Variants in NECTIN3 observed in about 807,000 individuals in gnomAD.
NECTIN3 encodes the protein nectin cell adhesion molecule 3, also known as nectin-3.
NECTIN3 carries 8 observed loss-of-function variants against 49.4 expected under a neutral mutation model. The ratio of observed to expected loss-of-function variants is 0.16; its 90% CI spans 0.10 to 0.29. NECTIN3 has a LOEUF of 0.29. Among genes scored for constraint, NECTIN3 ranks in the 10% least tolerant of loss-of-function variants. NECTIN3 has a pLI of 1.00. For synonymous variants in NECTIN3, 277 were observed against 241.1 expected, an observed-to-expected ratio of 1.15 and a Z score of -1.38; for missense variants, 581 against 654.6, an observed-to-expected ratio of 0.89 and a Z score of 1.23.
Position 111,118,891 on chromosome 3 carries a change from T to G in NECTIN3, c.738T>G (p.Cys246Trp). 1 of 1,614,180 alleles carries G rather than the reference T, an allele frequency of 6.2e-7. No individual in the cohort carries two copies. Among genetic ancestry groups the G allele is most frequent in the Non-Finnish European group, 8.5e-7 (1 of 1,180,016 alleles). Residue 246 changes from cysteine (C) to tryptophan (W), a missense_variant, in exon 3 of 6, where the codon TGT (cysteine) becomes TGG (tryptophan). Physicochemically the swap from Cys to Trp is radical, Grantham distance 215 (BLOSUM62 -2). Transcript: ENST00000485303. ...TRFARGRRIT[C>W]VVKHPALEKD... ...TTGCTAGAGGAAGGCGAATTACTTG[T>G]GTTGTAAAACATCCAGCCTTGGAAA...
rs1275976915 is a variant in NECTIN3, at chr3:111,134,839, T to C, written c.*624T>C. On this transcript the variant is annotated 3_prime_UTR_variant, in exon 6 of 6. Transcript: ENST00000485303. ...ACTGTAGAGTGGCTTTTCAAAGATA[T>C]TTTGTTGCACTAAAACTGTGGTAGT... The C allele has an allele frequency of 5.1e-6, 5 of 982,284 alleles. No individual in the cohort carries two copies. In the East Asian group the frequency reaches 3.4e-4, roughly 67 times the overall value. The allele number at this position is 982,284 out of a possible 1,614,324, so 60.8% of individuals were successfully genotyped here.
At chr3:111,128,097 G>C (rs2034239787) in intron 5 of NECTIN3, among the ~76,000 whole-genome samples, 1 of 152,064 alleles carries the variant, frequency 6.6e-6, no homozygotes, top group Non-Finnish European at 1.5e-5. Flanking sequence ...CAGCACTTTG[G>C]GAGGCCGAGG....
chr3:111,110,611 C>T (rs2033417253), intron 1 of NECTIN3, among the ~76,000 whole-genome samples: 1 of 151,942 alleles, frequency 6.6e-6, no homozygotes, highest in Non-Finnish European at 1.5e-5. Flanking sequence ...TGCTAAAATA[C>T]ATTAGAATAC....
In NECTIN3 at chr3:111,136,445, A is replaced by G. The variant is rs764837010; in HGVS notation, c.*2230A>G. 8.6e-5 allele frequency: 85 copies of G among 984,102 alleles called. No homozygotes were observed. The highest frequency in any genetic ancestry group is 9.9e-5 in the Non-Finnish European group (82 of 829,058). 61.0% of individuals were successfully genotyped at this position (984,102 alleles called of 1,614,324 possible). A position where few individuals can be genotyped will look rare whatever the true frequency, so the allele number is the denominator to read the frequency against. ...TGACATATTCTGTATCCTTAATCCA[A>G]TCATTTGGCAAACTAAAAGGTTTCT... On this transcript the variant is annotated 3_prime_UTR_variant, in exon 6 of 6. Coordinates refer to ENST00000485303, the MANE Select transcript of NECTIN3 (RefSeq NM_015480.3).
At position 111,071,998 on chromosome 3, in the gene NECTIN3, G is replaced by T; in HGVS notation, c.-20G>T. 6.8e-7 allele frequency: 1 copy of T among 1,468,734 alleles called. No individual in the cohort carries two copies. The highest frequency in any genetic ancestry group is 9.0e-7 in the Non-Finnish European group (1 of 1,108,180). 91.0% of individuals were successfully genotyped at this position (1,468,734 alleles called of 1,614,324 possible). A position where few individuals can be genotyped will look rare whatever the true frequency, so the allele number is the denominator to read the frequency against. ...GAGCCGGGGGGCGGGCGGGCGAGCGGGCCGGGGGGAGGGTGGGGGATGGCG... is the reference window on the plus strand; with the variant it reads ...GAGCCGGGGGGCGGGCGGGCGAGCGTGCCGGGGGGAGGGTGGGGGATGGCG... On this transcript the variant is annotated 5_prime_UTR_variant, in exon 1 of 6. Transcript: ENST00000485303.
Position 111,127,880 on chromosome 3 carries a change from G to A in NECTIN3, c.1069+1545G>A, listed in dbSNP as rs534527968. Among the ~76,000 whole-genome samples, 473 of 152,186 alleles carry A rather than the reference G, an allele frequency of 3.1e-3. 2 individuals are homozygous for A. The highest frequency in any genetic ancestry group is 0.011 in the African/African-American group (446 of 41,510). ...ACTGTGCCTGGCTGGAAATCTGAAT[G>A]AGGTTACATATTAGTATATTACTCT... On this transcript the variant is annotated intron_variant, in intron 5 of 5. Transcript: ENST00000485303.
chr3:111,082,473 A>G (rs1334981821), intron 1 of NECTIN3, among the ~76,000 whole-genome samples: 1 of 152,154 alleles, frequency 6.6e-6, no homozygotes, highest in Non-Finnish European at 1.5e-5. Context: ...TTTTGATTGG[A>G]TAAGCTATCG....
chr3:111,180,835 G>A (rs1019790518), intron 7 of NECTIN3, among the ~76,000 whole-genome samples: 6 of 152,042 alleles, frequency 3.9e-5, no homozygotes, highest in Non-Finnish European at 5.9e-5. Context: ...TACTTTTTTC[G>A]TAGCAGATTC....
At chr3:111,172,283 A>G (rs2035448893) in intron 7 of NECTIN3, among the ~76,000 whole-genome samples, 1 of 152,160 alleles carries the variant, frequency 6.6e-6, no homozygotes, top group Non-Finnish European at 1.5e-5. Flanking sequence ...GCATACCCAC[A>G]CATCATATAT....
Position 111,112,057 on chromosome 3 carries a change from A to T in NECTIN3, c.188A>T (p.Glu63Val), listed in dbSNP as rs1269868004. The change falls in exon 2 of 6, where the codon GAG becomes GTG. Residue 63 changes from glutamate (E) to valine (V), a missense_variant. Coordinates refer to ENST00000485303, the MANE Select transcript of NECTIN3 (RefSeq NM_015480.3). ...CGALAGPIIV[E>V]PHVTAVWGKN... ...GCCTTAGCTGGACCAATTATTGTGG[A>T]GCCACATGTCACAGCAGTATGGGGA... is the stretch of plus-strand genomic sequence containing the variant. The T allele has an allele frequency of 1.2e-6, 2 of 1,610,740 alleles. No homozygotes were observed. The highest frequency in any genetic ancestry group is 1.7e-6 in the Non-Finnish European group (2 of 1,177,858).
At chr3:111,111,911 G>A (rs866197755) in intron 1 of NECTIN3, 119 bp from the exon 2 acceptor site, 2 of 526,744 alleles carry the variant, frequency 3.8e-6, no homozygotes, top group East Asian at 4.8e-5. Context: ...GTGTGTGTGT[G>A]TGTGTGTGTG....
At chr3:111,087,275 G>A (rs1037824577) in intron 1 of NECTIN3, among the ~76,000 whole-genome samples, 1 of 152,112 alleles carries the variant, frequency 6.6e-6, no homozygotes, top group South Asian at 2.1e-4. Flanking sequence ...GTGACTACAA[G>A]CATTGTTACA....
chr3:111,142,657 CA>C (rs1381423254), intron 5 of NECTIN3, among the ~76,000 whole-genome samples: 1 of 151,582 alleles, frequency 6.6e-6, no homozygotes, highest in African/African-American at 2.4e-5. Context: ...AGAGCACTAC[CA>C]AACCTCAGAT....
At chr3:111,147,464 C>A in exon 7 of NECTIN3, 1 of 1,529,456 alleles carries the variant, frequency 6.5e-7, no homozygotes, top group East Asian at 2.5e-5. Flanking sequence ...CCCACCTTTG[C>A]CTCAGAAAGA....
chr3:111,193,614 G>A, intron 1 of NECTIN3: 1 of 516,456 alleles, frequency 1.9e-6, no homozygotes, highest in Admixed American at 3.3e-5. Flanking sequence ...TTTCTGTGAT[G>A]ATGGTATTTA....
chr3:111,183,241 C>G (rs1333892502), intron 7 of NECTIN3, among the ~76,000 whole-genome samples: 2 of 151,750 alleles, frequency 1.3e-5, no homozygotes, highest in Admixed American at 6.6e-5. Flanking sequence ...TTTCTTCAAC[C>G]TGAATACCTT....
chr3:111,165,525 A>C lies in NECTIN3; in HGVS notation c.1221+18041A>C, dbSNP rs975627564. The stretch of plus-strand genomic sequence containing the variant: ...ATGTATGAGTAGAGAAAATCTTTTA[A>C]GGAAATGTAAGGAGAAGATTGAAAC... On this transcript the variant is annotated intron_variant, in intron 7 of 8. Coordinates refer to the NECTIN3 transcript ENST00000493615. 2.1e-4 allele frequency among the ~76,000 whole-genome samples: 32 copies of C among 152,164 alleles called. 1 individual carries two copies. The highest frequency in any genetic ancestry group is 2.9e-5 in the Non-Finnish European group (2 of 68,024).
At position 111,097,641 on chromosome 3, in the gene NECTIN3, CA is replaced by C. The variant is rs1338192697; in HGVS notation, c.161-14387del. ...TTCTTGTGTTAGTGAATAAGTCTCA[CA>C]AGATCTGATGGTTTTAAAAAGAGGA... On this transcript the variant is annotated intron_variant, in intron 1 of 5. Coordinates refer to ENST00000485303, the MANE Select transcript of NECTIN3 (RefSeq NM_015480.3). 2.0e-5 allele frequency among the ~76,000 whole-genome samples: 3 copies of C among 152,176 alleles called. No individual in the cohort carries two copies. The East Asian group carries it at 5.8e-4, about 29-fold the overall frequency.
At chr3:111,143,827 C>T (rs1049068992) in intron 5 of NECTIN3, among the ~76,000 whole-genome samples, 12 of 152,006 alleles carry the variant, frequency 7.9e-5, no homozygotes, top group Admixed American at 2.6e-4. Flanking sequence ...GTGTTCTCTA[C>T]TATTCATTGA....
Sources: allele counts gnomAD v4.1 joint callset (sites outside exome capture counted in the v4.1 genomes callset), GRCh38; gene constraint gnomAD v4.1.1; transcripts MANE v1.5; gene names NCBI Gene and HGNC (gene_info 2026-07-23, HGNC 2026-07-21).